Variants in BRWD1 observed in about 807,000 individuals in gnomAD.
BRWD1 encodes the protein bromodomain and WD repeat-containing protein 1.
Under a neutral mutation model 251.2 loss-of-function variants are expected in BRWD1, and 82 were observed. The observed-to-expected ratio is 0.33, with a 90% CI of 0.27 to 0.39. BRWD1 has a LOEUF of 0.39. Ranked by LOEUF, BRWD1 falls within the 10% of genes least tolerant of loss-of-function variation. The pLI is 1.00. For synonymous variants in BRWD1, 918 were observed against 902.8 expected (o/e 1.02, Z -0.30); for missense variants, 2,233 against 2,711.6 (o/e 0.82, Z 3.92).
intron 21 of BRWD1, among the ~76,000 whole-genome samples, chr21:39,245,255 A>G (rs1399686697): frequency 6.6e-6 from 1 of 152,024 alleles, no homozygotes; most frequent in Non-Finnish European, 1.5e-5. Context: ...AAAAATAAAA[A>G]CAGTTTAAAC....
In BRWD1 at chr21:39,190,219, T is replaced by C. The variant is rs190336446; in HGVS notation, c.*6040A>G. 1.0e-6 allele frequency: 1 copy of C among 966,630 alleles called. No individual in the cohort carries two copies. The highest frequency in any genetic ancestry group is 7.2e-5 in the Admixed American group (1 of 13,946). The allele number at this position is 966,630 out of a possible 1,614,324, so 59.9% of individuals were successfully genotyped here. A position where few individuals can be genotyped will look rare whatever the true frequency, so the allele number is the denominator to read the frequency against. ...TTCTACATTTCAAGGATTAATCATATTCTAATTAGACTTTTTTTTAATTTT... is the reference window on the plus strand; with the variant it reads ...TTCTACATTTCAAGGATTAATCATACTCTAATTAGACTTTTTTTTAATTTT... On this transcript the variant is annotated 3_prime_UTR_variant, in exon 41 of 41. Coordinates refer to ENST00000342449, the MANE Select transcript of BRWD1 (RefSeq NM_033656.4).
Position 39,196,035 on chromosome 21 carries a change from T to C in BRWD1, c.*224A>G. 1 of 1,262,788 alleles carries C rather than the reference T, an allele frequency of 7.9e-7. No homozygotes were observed. Among genetic ancestry groups the C allele is most frequent in the Non-Finnish European group, 1.0e-6 (1 of 1,004,686 alleles). 78.2% of individuals were successfully genotyped at this position (1,262,788 alleles called of 1,614,324 possible). On this transcript the variant is annotated 3_prime_UTR_variant, in exon 41 of 41. Coordinates refer to ENST00000342449, the MANE Select transcript of BRWD1 (RefSeq NM_033656.4). ...TAGTCAAATACTGTCAAAATAGATC[T>C]GCCCCCAAAATGAAGCATATTTTGG...
At chr21:39,226,308 A>C (rs2033380630) in intron 27 of BRWD1, among the ~76,000 whole-genome samples, 1 of 152,208 alleles carries the variant, frequency 6.6e-6, no homozygotes. Context: ...CACTGTAAAA[A>C]TGAAAACAAG....
chr21:39,285,329 A>G (rs560115518), intron 8 of BRWD1, among the ~76,000 whole-genome samples: 1 of 152,160 alleles, frequency 6.6e-6, no homozygotes, highest in South Asian at 2.1e-4. Context: ...AGTATGGGGG[A>G]AGGGGGGGAC....
At chr21:39,305,278 A>G (rs2036250913) in intron 4 of BRWD1, among the ~76,000 whole-genome samples, 1 of 152,134 alleles carries the variant, frequency 6.6e-6, no homozygotes, top group South Asian at 2.1e-4. Context: ...GATTTTAACA[A>G]ATCTTTCTCA....
At position 39,210,800 on chromosome 21, in the gene BRWD1, A is replaced by G; in HGVS notation, c.4030T>C (p.Leu1344=). Residue 1344 remains leucine, a synonymous_variant, in exon 35 of 41, where the codon TTG becomes CTG. Coordinates refer to ENST00000342449, the MANE Select transcript of BRWD1 (RefSeq NM_033656.4). The part of the protein sequence containing the change: ...DSEPFRQPVD[L]VEYPDYRDII... ...TGGAAACTTACTGGATATTCAACCA[A>G]ATCAACAGGTTGTCTAAATGGTTCA... 1 of 1,606,698 alleles carries G rather than the reference A, an allele frequency of 6.2e-7. No homozygotes were observed. Among genetic ancestry groups the G allele is most frequent in the Non-Finnish European group, 8.5e-7 (1 of 1,177,758 alleles).
chr21:39,281,980 GTATA>G (rs1305336848), intron 8 of BRWD1, among the ~76,000 whole-genome samples: 3 of 150,896 alleles, frequency 2.0e-5, no homozygotes, highest in South Asian at 2.1e-4. Context: ...ATAAATACAT[GTATA>G]TAAATATGTA....
chr21:39,272,302 AAATAAAT>A (rs1041192753), intron 13 of BRWD1, among the ~76,000 whole-genome samples: 3 of 109,362 alleles, frequency 2.7e-5, no homozygotes, highest in African/African-American at 1.3e-4. Context: ...CCTAAAACTT[AAATAAAT>A]AAAAAAAAAA....
rs1266380662 is a variant in BRWD1 at position 39,185,733 on chromosome 21, TAAA to T, written c.*10523_*10525del. The T allele has an allele frequency of 6.6e-6, 1 of 151,708 alleles. No homozygotes were observed. The highest frequency in any genetic ancestry group is 1.5e-5 in the Non-Finnish European group (1 of 67,892). 9.4% of individuals were successfully genotyped at this position (151,708 alleles called of 1,614,324 possible). ...CAAAAAAAAAAAAATGCATTTGACT[TAAA>T]AAAGAAATAGAAAACCCTAGGTTTC... On this transcript the variant is annotated 3_prime_UTR_variant, in exon 41 of 41. Coordinates refer to ENST00000342449, the MANE Select transcript of BRWD1 (RefSeq NM_033656.4).
In BRWD1 at chr21:39,197,974, T is replaced by A. The variant is rs150436514; in HGVS notation, c.5654-559A>T. Among the ~76,000 whole-genome samples the A allele has an allele frequency of 2.6e-5, 4 of 152,286 alleles. No homozygotes were observed. The East Asian group carries it at 7.7e-4, about 29-fold the overall frequency. The stretch of plus-strand genomic sequence containing the variant: ...ATTCACAAATTCAACACATTCTCAA[T>A]AACATCCCATGATCTTGACACTATA... On this transcript the variant is annotated intron_variant, in intron 40 of 40. Transcript: ENST00000342449.
chr21:39,314,019 G>C (rs1047438618), upstream of BRWD1: 6 of 454,816 alleles, frequency 1.3e-5, no homozygotes, highest in African/African-American at 1.2e-4. Context: ...CTCTACGCGG[G>C]ACCGCAGGGG....
rs781102535 is a variant in BRWD1 at position 39,193,071 on chromosome 21, G to A, written c.*3188C>T. The A allele has an allele frequency of 3.0e-6, 3 of 985,026 alleles. No individual in the cohort carries two copies. The Admixed American group carries it at 1.8e-4, about 61-fold the overall frequency. The allele number at this position is 985,026 out of a possible 1,614,324, so 61.0% of individuals were successfully genotyped here. On this transcript the variant is annotated 3_prime_UTR_variant, in exon 41 of 41. Transcript: ENST00000342449. Reference sequence around the variant, plus strand: ...TTACTTTTGGACAGTAACACCCTCAGATGGTATTTTTATTGGTTTGTTTTA... The same window carrying A: ...TTACTTTTGGACAGTAACACCCTCAAATGGTATTTTTATTGGTTTGTTTTA...
At chr21:39,220,123 GGTGGGTGT>G (rs892725134) in intron 29 of BRWD1, among the ~76,000 whole-genome samples, 11 of 152,076 alleles carry the variant, frequency 7.2e-5, no homozygotes, top group Admixed American at 3.9e-4. Flanking sequence ...GGTGTGGGTG[GGTGGGTGT>G]GTGGGTGTGT....
At chr21:39,206,359 A>G (rs2032388760) in intron 36 of BRWD1, 85 bp from the exon 37 acceptor site, 1 of 1,035,608 alleles carries the variant, frequency 9.7e-7, no homozygotes. Context: ...GATCCCTTGC[A>G]ATGTATTATA....
intron 4 of BRWD1, among the ~76,000 whole-genome samples, chr21:39,309,681 C>T (rs900733219): frequency 7.9e-5 from 12 of 152,014 alleles, no homozygotes; most frequent in African/African-American, 2.2e-4. Context: ...AAAAATTAGC[C>T]GGGCGTGGTG....
chr21:39,292,126 T>TGGGG (rs2035829990), intron 8 of BRWD1, among the ~76,000 whole-genome samples: 1 of 9,230 alleles, frequency 1.1e-4, no homozygotes, highest in Non-Finnish European at 1.7e-4. Flanking sequence ...GGGGGGTGGG[T>TGGGG]GGGGGTGGGG....
At chr21:39,288,571 AC>A (rs1399146629) in intron 8 of BRWD1, among the ~76,000 whole-genome samples, 2 of 152,142 alleles carry the variant, frequency 1.3e-5, no homozygotes, top group South Asian at 2.1e-4. Flanking sequence ...AGGGTACCAA[AC>A]CCCCCCAGGC....
chr21:39,192,170 T>G lies in BRWD1; in HGVS notation c.*4089A>C. 1.0e-6 allele frequency: 1 copy of G among 985,256 alleles called. No individual in the cohort carries two copies. Among genetic ancestry groups the G allele is most frequent in the Non-Finnish European group, 1.2e-6 (1 of 829,800 alleles). The allele number at this position is 985,256 out of a possible 1,614,324, so 61.0% of individuals were successfully genotyped here. ...AATCTCTTACTTTTGAGAATCCCCATGTATCCTTGGGCAACATCTCTGTAA... is the reference window on the plus strand; with the variant it reads ...AATCTCTTACTTTTGAGAATCCCCAGGTATCCTTGGGCAACATCTCTGTAA... On this transcript the variant is annotated 3_prime_UTR_variant, in exon 41 of 41. Coordinates refer to ENST00000342449, the MANE Select transcript of BRWD1 (RefSeq NM_033656.4).
At chr21:39,296,073 A>C (rs1397899999) in intron 6 of BRWD1, among the ~76,000 whole-genome samples, 170 bp from the exon 7 acceptor site, 1 of 152,208 alleles carries the variant, frequency 6.6e-6, no homozygotes, top group African/African-American at 2.4e-5. Context: ...TAGACTTCTT[A>C]CTATAAAAAG....
Sources: gnomAD v4.1 joint callset for allele counts (sites outside exome capture counted in the v4.1 genomes callset) on GRCh38, gnomAD v4.1.1 for gene constraint, MANE v1.5 for transcripts, NCBI Gene and HGNC (gene_info 2026-07-23, HGNC 2026-07-21) for gene names.